Variants in NECAP1 observed in about 807,000 individuals in gnomAD.
NECAP1 encodes the protein adaptin ear-binding coat-associated protein 1.
In NECAP1, 13 loss-of-function variants were observed where a neutral mutation model predicts 33.4. The observed-to-expected ratio is 0.39, with a 90% CI of 0.25 to 0.62. The LOEUF (loss-of-function observed/expected upper bound fraction) is 0.62, where lower values mean the gene tolerates loss of function less well. Among genes scored for constraint, NECAP1 ranks in the 20% least tolerant of loss-of-function variants. The pLI is 0.52. For missense variants in NECAP1, 272 were observed against 347.4 expected (o/e 0.78, Z 1.73); for synonymous variants, 109 against 125.2 (o/e 0.87, Z 0.86).
At chr12:8,085,167 G>A (rs767511621) in intron 1 of NECAP1, among the ~76,000 whole-genome samples, 4 of 152,192 alleles carry the variant, frequency 2.6e-5, no homozygotes, top group Non-Finnish European at 5.9e-5. Flanking sequence ...CTACAGGCAC[G>A]TGCCACTATG....
chr12:8,093,163 C>A, intron 6 of NECAP1, 108 bp downstream of exon 6: 2 of 1,104,218 alleles, frequency 1.8e-6, no homozygotes, highest in South Asian at 1.5e-5. Context: ...GCTCATGGTA[C>A]TGACAAGGTG....
intron 6 of NECAP1, chr12:8,095,349 C>T (rs189653693): frequency 3.3e-4 from 100 of 301,812 alleles, no homozygotes; most frequent in African/African-American, 1.9e-3. Context: ...CCCGGGTTCA[C>T]GCCATTCTCC....
At chr12:8,090,744 G>A (rs1668643572) in intron 3 of NECAP1, 1 of 157,140 alleles carries the variant, frequency 6.4e-6, no homozygotes, top group Non-Finnish European at 1.4e-5. Flanking sequence ...GGAAGTGGAG[G>A]TTGCCGAGAT....
chr12:8,087,392 C>T (rs1947501341), intron 1 of NECAP1, among the ~76,000 whole-genome samples: 1 of 151,632 alleles, frequency 6.6e-6, no homozygotes, highest in Non-Finnish European at 1.5e-5. Context: ...GGAACTAAGG[C>T]TCAAGGCTGA....
At chr12:8,087,439 A>T (rs1269455802) in intron 1 of NECAP1, among the ~76,000 whole-genome samples, 3 of 151,434 alleles carry the variant, frequency 2.0e-5, no homozygotes, top group African/African-American at 7.3e-5. Flanking sequence ...TTACTTACAG[A>T]ATTTGTTAAG....
chr12:8,085,686 C>CTTTTTTTTT (rs554942626), intron 1 of NECAP1, among the ~76,000 whole-genome samples: 5 of 104,810 alleles, frequency 4.8e-5, no homozygotes, highest in African/African-American at 1.7e-4. Context: ...ACTTAATCTT[C>CTTTTTTTTT]TTTTTTTTTT....
chr12:8,095,807 A>G (rs1947588729), intron 7 of NECAP1, 104 bp downstream of exon 7: 2 of 1,257,754 alleles, frequency 1.6e-6, no homozygotes, highest in African/African-American at 1.5e-5. Context: ...TGCAGGTCAC[A>G]TAGAGTCTTT....
intron 1 of NECAP1, among the ~76,000 whole-genome samples, 193 bp downstream of exon 1, chr12:8,082,576 GT>G (rs66928724): frequency 0.97 from 143,342 of 148,120 alleles, 69,372 homozygotes; most frequent in East Asian, 0.99. Flanking sequence ...TATTTCTGCC[GT>G]TTTTTTTTTT....
At chr12:8,092,566 C>T in intron 4 of NECAP1, 110 bp from the exon 5 acceptor site, 1 of 724,330 alleles carries the variant, frequency 1.4e-6, no homozygotes, top group Non-Finnish European at 2.2e-6. Flanking sequence ...TTTTATCTCT[C>T]ACTGTGTTTT....
rs377628755 is a variant in NECAP1, at chr12:8,084,430, C to G, written c.95+2047C>G. On this transcript the variant is annotated intron_variant, in intron 1 of 7. Coordinates refer to ENST00000339754, the MANE Select transcript of NECAP1 (RefSeq NM_015509.4). ...ATGCACCCTGTGTGCTTCCATAGCA[C>G]CTTTTTCTTTTTCTTTTTTACTTTA... Among the ~76,000 whole-genome samples, 19 of 152,140 alleles carry G rather than the reference C, an allele frequency of 1.2e-4. No homozygotes were observed. In the South Asian group the frequency reaches 3.3e-3, roughly 27 times the overall value.
intron 3 of NECAP1, chr12:8,091,388 T>C (rs1325879659): frequency 4.4e-6 from 1 of 226,052 alleles, no homozygotes. Flanking sequence ...ATTATACAAC[T>C]CACTATAATG....
chr12:8,092,653 G>GAAGA (rs772419711), intron 4 of NECAP1, 23 bp from the exon 5 acceptor site: 7 of 1,564,072 alleles, frequency 4.5e-6, no homozygotes, highest in Non-Finnish European at 6.1e-6. Context: ...CTCAAACTAA[G>GAAGA]ATAACTTGCT....
rs370400048 is a variant in NECAP1, at chr12:8,089,983, G to A, written c.143G>A (p.Arg48Gln). 12 of 1,614,150 alleles carry A rather than the reference G, an allele frequency of 7.4e-6. No homozygotes were observed. The highest frequency in any genetic ancestry group is 4.5e-5 in the East Asian group (2 of 44,876). The change falls in exon 2 of 8, where the codon CGA (arginine) becomes CAA (glutamine). Residue 48 changes from arginine to glutamine, a missense_variant. Physicochemically the swap from Arg to Gln is conservative, Grantham distance 43. Transcript: ENST00000339754. ...LDQPDWTGRLRITSKGKTAYI... is the reference protein window; with the variant it reads ...LDQPDWTGRLQITSKGKTAYI... Reference sequence around the variant, plus strand: ...CAGCCTGATTGGACTGGTCGCCTCCGAATCACTTCAAAAGGGAAGACTGCC... The same window carrying A: ...CAGCCTGATTGGACTGGTCGCCTCCAAATCACTTCAAAAGGGAAGACTGCC...
rs905990813 is a variant in NECAP1, at chr12:8,097,622, A to G, written c.*1532A>G. 4.6e-5 allele frequency: 7 copies of G among 152,602 alleles called. No homozygotes were observed. Among genetic ancestry groups the G allele is most frequent in the Admixed American group, 2.0e-4 (3 of 15,282 alleles). The allele number at this position is 152,602 out of a possible 1,614,324, so 9.5% of individuals were successfully genotyped here. A position where few individuals can be genotyped will look rare whatever the true frequency, so the allele number is the denominator to read the frequency against. On this transcript the variant is annotated 3_prime_UTR_variant, in exon 8 of 8. Coordinates refer to ENST00000339754, the MANE Select transcript of NECAP1 (RefSeq NM_015509.4). ...TAAATACTGGGAACCTATTTTCTCA[A>G]TCTTCCTCCATGTTGTGTTCTTTGT...
chr12:8,096,190 C>A lies in NECAP1; in HGVS notation c.*100C>A. On this transcript the variant is annotated 3_prime_UTR_variant, in exon 8 of 8. Transcript: ENST00000339754. ...TTAGGAACCCATTTCCTCCCCAGAA[C>A]CAGAATGACTGGACAATCTTTTTCA... 1.7e-6 allele frequency: 2 copies of A among 1,204,420 alleles called. No homozygotes were observed. The highest frequency in any genetic ancestry group is 2.4e-6 in the Non-Finnish European group (2 of 840,196). The allele number at this position is 1,204,420 out of a possible 1,614,324, so 74.6% of individuals were successfully genotyped here.
At position 8,095,492 on chromosome 12, in the gene NECAP1, C is replaced by T. The variant is rs758030466; in HGVS notation, c.677-109C>T. ...CTCGATCTCCTGACCTCATGATCCACCCGCCTCGGCCTCCCAAAGTGCTGG... is the reference window on the plus strand; with the variant it reads ...CTCGATCTCCTGACCTCATGATCCATCCGCCTCGGCCTCCCAAAGTGCTGG... On this transcript the variant is annotated intron_variant, in intron 6 of 7. Transcript: ENST00000339754. The T allele has an allele frequency of 3.6e-4, 236 of 664,054 alleles. 5 individuals carry two copies. The highest frequency in any genetic ancestry group is 3.5e-3 in the South Asian group (226 of 63,892). 41.1% of individuals were successfully genotyped at this position (664,054 alleles called of 1,614,324 possible).
intron 4 of NECAP1, 79 bp from the exon 5 acceptor site, chr12:8,092,597 A>T (rs981859234): frequency 1.2e-5 from 13 of 1,040,528 alleles, no homozygotes; most frequent in Admixed American, 2.5e-5. Flanking sequence ...ATTTCATAAA[A>T]GTAAATACAC....
chr12:8,082,522 TCCCTG>T, intron 1 of NECAP1, 139 bp downstream of exon 1: 1 of 704,204 alleles, frequency 1.4e-6, no homozygotes, highest in Non-Finnish European at 2.4e-6. Flanking sequence ...GGTTGTCATC[TCCCTG>T]ACCACCTGCT....
chr12:8,086,957 AC>A (rs1947496171), intron 1 of NECAP1, among the ~76,000 whole-genome samples: 3 of 151,792 alleles, frequency 2.0e-5, no homozygotes, highest in Non-Finnish European at 4.4e-5. Flanking sequence ...ACACACACAC[AC>A]ACAAATAAAT....
Sources: gnomAD v4.1 joint callset for allele counts (sites outside exome capture counted in the v4.1 genomes callset) on GRCh38, gnomAD v4.1.1 for gene constraint, MANE v1.5 for transcripts, NCBI Gene and HGNC (gene_info 2026-07-23, HGNC 2026-07-21) for gene names.